The following FRMD4B variants were observed in gnomAD, a reference collection of about 807,000 sequenced individuals.
FRMD4B encodes FERM domain containing 4B.
In FRMD4B, 74 loss-of-function variants were observed where a neutral mutation model predicts 141.5. The observed-to-expected ratio is 0.52, with a 90% CI of 0.43 to 0.63. FRMD4B has a LOEUF of 0.63. Ranked by LOEUF, FRMD4B falls within the 30% of genes least tolerant of loss-of-function variation. The pLI is 0.00. For synonymous variants in FRMD4B, 506 were observed against 467.9 expected (o/e 1.08, Z -1.05); for missense variants, 1,366 against 1,253.4 (o/e 1.09, Z -1.36).
intron 5 of FRMD4B, among the ~76,000 whole-genome samples, chr3:69,270,569 C>CTTTT (rs57693333): frequency 0.011 from 1,652 of 144,652 alleles, 27 homozygotes; most frequent in South Asian, 0.02. Context: ...TTCTTTTTTT[C>CTTTT]TTTTTTTTTT....
intron 1 of FRMD4B, among the ~76,000 whole-genome samples, chr3:69,533,177 C>T (rs991477203): frequency 2.6e-5 from 4 of 152,196 alleles, no homozygotes; most frequent in Admixed American, 6.5e-5. Context: ...TGTTCAGGAT[C>T]TGTTGTAGGG....
chr3:69,299,932 A>G (rs944199485), intron 4 of FRMD4B, among the ~76,000 whole-genome samples: 1 of 152,176 alleles, frequency 6.6e-6, no homozygotes, highest in Non-Finnish European at 1.5e-5. Flanking sequence ...GGTCCCCTGC[A>G]CTTCCAGAGG....
At position 69,181,146 on chromosome 3, in the gene FRMD4B, G is replaced by C; in HGVS notation, c.2604C>G (p.Asn868Lys). ...HEDEVDRVPH[N>K]PYATLRLPRK... Reference sequence around the variant, plus strand: ...TTGGCAGCCGGAGAGTTGCATATGGGTTATGGGGTACCCGGTCGACCTCAT... The same window carrying C: ...TTGGCAGCCGGAGAGTTGCATATGGCTTATGGGGTACCCGGTCGACCTCAT... Residue 868 changes from asparagine to lysine, a missense_variant, in exon 21 of 23, where the codon AAC (asparagine) becomes AAG (lysine). Coordinates refer to ENST00000398540, the MANE Select transcript of FRMD4B (RefSeq NM_015123.3). 6.2e-7 allele frequency: 1 copy of C among 1,613,966 alleles called. No individual in the cohort carries two copies. The highest frequency in any genetic ancestry group is 8.5e-7 in the Non-Finnish European group (1 of 1,179,852).
At chr3:69,529,841 G>A (rs1300601415) in intron 1 of FRMD4B, among the ~76,000 whole-genome samples, 1 of 152,192 alleles carries the variant, frequency 6.6e-6, no homozygotes, top group African/African-American at 2.4e-5. Flanking sequence ...ATGCAGAGAG[G>A]TTAAGATACT....
intron 1 of FRMD4B, among the ~76,000 whole-genome samples, chr3:69,478,463 C>T (rs1706043614): frequency 6.6e-6 from 1 of 152,140 alleles, no homozygotes; most frequent in African/African-American, 2.4e-5. Flanking sequence ...TCGTTAGGTA[C>T]CCAGTAGTCA....
At chr3:69,185,534 T>C (rs1470458987) in intron 19 of FRMD4B, among the ~76,000 whole-genome samples, 1 of 152,254 alleles carries the variant, frequency 6.6e-6, no homozygotes, top group East Asian at 1.9e-4. Context: ...TCACAAGCTT[T>C]GGATCCTGCC....
intron 5 of FRMD4B, among the ~76,000 whole-genome samples, chr3:69,287,052 C>T (rs1279785262): frequency 6.6e-6 from 1 of 152,202 alleles, no homozygotes; most frequent in African/African-American, 2.4e-5. Context: ...ATCCACCTGT[C>T]TTGGCCTCCA....
chr3:69,522,789 C>A (rs985280706), intron 1 of FRMD4B, among the ~76,000 whole-genome samples: 5 of 152,122 alleles, frequency 3.3e-5, no homozygotes, highest in African/African-American at 1.2e-4. Context: ...TAATCAGAAG[C>A]CAGCTAATAA....
chr3:69,448,914 C>T (rs957330854), intron 1 of FRMD4B, among the ~76,000 whole-genome samples: 5 of 152,084 alleles, frequency 3.3e-5, no homozygotes, highest in African/African-American at 4.8e-5. Context: ...ACTGGGGAGG[C>T]TGAGTTTTCA....
At position 69,181,258 on chromosome 3, in the gene FRMD4B, C is replaced by A; in HGVS notation, c.2492G>T (p.Gly831Val). The part of the protein sequence containing the change: ...GGYVYENDTE[G>V]QYSVNPSYRS... ...GTAGGAAGGGTTGACACTATACTGT[C>A]CCTCGGTGTCATTCTCATAGACATA... The change falls in exon 21 of 23, where the codon GGA (glycine) becomes GTA (valine). Residue 831 changes from glycine to valine, a missense_variant. Transcript: ENST00000398540. The A allele has an allele frequency of 6.2e-7, 1 of 1,613,268 alleles. No individual in the cohort carries two copies. The highest frequency in any genetic ancestry group is 8.5e-7 in the Non-Finnish European group (1 of 1,179,260).
chr3:69,441,022 G>T lies in FRMD4B; in HGVS notation c.-128-8261C>A, dbSNP rs141636209. ...AAGCAGATGTATATTTTCTTAAAACGTACTCTGAGTTTCTGAGTGGTTTTG... is the reference window on the plus strand; with the variant it reads ...AAGCAGATGTATATTTTCTTAAAACTTACTCTGAGTTTCTGAGTGGTTTTG... On this transcript the variant is annotated intron_variant, in intron 1 of 5. Coordinates refer to the FRMD4B transcript ENST00000459638. 3.4e-4 allele frequency among the ~76,000 whole-genome samples: 51 copies of T among 151,882 alleles called. No homozygotes were observed. In the East Asian group the frequency reaches 9.7e-3, roughly 29 times the overall value.
chr3:69,481,510 G>C (rs1366451635), intron 1 of FRMD4B, among the ~76,000 whole-genome samples: 1 of 152,172 alleles, frequency 6.6e-6, no homozygotes, highest in Non-Finnish European at 1.5e-5. Flanking sequence ...GAAATTTAGA[G>C]AGGCTATTTT....
intron 4 of FRMD4B, among the ~76,000 whole-genome samples, chr3:69,293,626 A>G (rs915089384): frequency 3.9e-5 from 6 of 152,094 alleles, no homozygotes; most frequent in African/African-American, 1.4e-4. Flanking sequence ...CATGCCAGTA[A>G]TCCCAACATT....
intron 1 of FRMD4B, among the ~76,000 whole-genome samples, chr3:69,496,637 A>AGAGAGAG (rs1706399949): frequency 1.2e-4 from 7 of 56,514 alleles, no homozygotes; most frequent in African/African-American, 3.2e-4. Flanking sequence ...GAGAGAGAGA[A>AGAGAGAG]AGAGAGAGAG....
In FRMD4B at chr3:69,250,090, C is replaced by A; in HGVS notation, c.511G>T (p.Glu171Ter). Residue 171 changes from glutamate (E) to a stop codon, truncating the protein, a stop_gained, in exon 6 of 23, where the codon GAA (glutamate) becomes TAA (stop). Coordinates refer to ENST00000398540, the MANE Select transcript of FRMD4B (RefSeq NM_015123.3). LOFTEE classifies it high-confidence loss of function. ...AKACVHKGQI[E>*]VESETIFKLA... ...TTGAAGATGGTTTCGCTCTCTACTT[C>A]GATTTGCCCCTGTTGATGGAAAAGG... 6.2e-7 allele frequency: 1 copy of A among 1,608,188 alleles called. No individual in the cohort carries two copies. The highest frequency in any genetic ancestry group is 8.5e-7 in the Non-Finnish European group (1 of 1,174,648).
intron 1 of FRMD4B, among the ~76,000 whole-genome samples, chr3:69,470,610 T>A (rs761393971): frequency 4.6e-5 from 7 of 152,152 alleles, no homozygotes; most frequent in Middle Eastern, 3.2e-3. Flanking sequence ...AAGCTCCAAT[T>A]GGTGGGCAAT....
chr3:69,290,680 G>A (rs1461082248), intron 4 of FRMD4B, among the ~76,000 whole-genome samples: 1 of 152,152 alleles, frequency 6.6e-6, no homozygotes, highest in Non-Finnish European at 1.5e-5. Flanking sequence ...TCTTACTGAG[G>A]TGCCTGCAAT....
chr3:69,189,955 GT>G lies in FRMD4B; in HGVS notation c.1715-4del. 2 of 1,575,090 alleles carry G rather than the reference GT, an allele frequency of 1.3e-6. No individual in the cohort carries two copies. Among genetic ancestry groups the G allele is most frequent in the Non-Finnish European group, 1.7e-6 (2 of 1,145,272 alleles). On this transcript the variant is annotated splice_polypyrimidine_tract_variant and splice_region_variant and intron_variant, in intron 17 of 22. Transcript: ENST00000398540. ...ACTCTCTGAGGGGATTATGTCTTCT[GT>G]GAATAAAAATAACTGCCTTTAGTAC...
intron 2 of FRMD4B, 90 bp from the exon 3 acceptor site, chr3:69,311,447 T>C (rs1701584265): frequency 3.1e-6 from 2 of 637,062 alleles, no homozygotes; most frequent in Non-Finnish European, 2.9e-6. Flanking sequence ...TTAAAGTAGC[T>C]TTTGTTTATT....
Sources: allele counts gnomAD v4.1 joint callset (sites outside exome capture counted in the v4.1 genomes callset), GRCh38; gene constraint gnomAD v4.1.1; transcripts MANE v1.5; gene names NCBI Gene and HGNC (gene_info 2026-07-23, HGNC 2026-07-21).